Variants in CMTM4 observed in about 807,000 individuals in gnomAD.
CMTM4 encodes the protein CKLF-like MARVEL transmembrane domain-containing protein 4.
CMTM4 carries 8 observed loss-of-function variants against 19.0 expected under a neutral mutation model. That is an observed-to-expected ratio of 0.42 (90% confidence interval 0.25 to 0.76). CMTM4 has a LOEUF of 0.76. Among genes scored for constraint, CMTM4 ranks in the 30% least tolerant of loss-of-function variants. CMTM4 has a pLI of 0.27. For missense variants in CMTM4, 228 were observed against 290.2 expected (o/e 0.79, Z 1.56); for synonymous variants, 106 against 121.1 (o/e 0.88, Z 0.82).
At chr16:66,665,886 T>A (rs185753236) in intron 1 of CMTM4, among the ~76,000 whole-genome samples, 1 of 149,972 alleles carries the variant, frequency 6.7e-6, no homozygotes, top group East Asian at 2.0e-4. Flanking sequence ...CTGGCCAACA[T>A]GGCAAAAACC....
downstream of CMTM4, chr16:66,613,585 T>C: frequency 6.4e-6 from 1 of 155,400 alleles, no homozygotes; most frequent in Admixed American, 6.4e-5. Context: ...TTATATTTTT[T>C]TATGCAAAAG....
intron 2 of CMTM4, among the ~76,000 whole-genome samples, chr16:66,629,051 C>T (rs115111829): frequency 0.011 from 1,696 of 152,122 alleles, 32 homozygotes; most frequent in African/African-American, 0.036. Context: ...GCACTTATTA[C>T]TCACACAACT....
At chr16:66,673,261 G>C (rs886989561) in intron 1 of CMTM4, among the ~76,000 whole-genome samples, 2 of 144,062 alleles carry the variant, frequency 1.4e-5, no homozygotes, top group African/African-American at 5.2e-5. Context: ...AGGCTGGAGT[G>C]CAGTGGCACA....
chr16:66,660,521 C>T (rs1474010940), intron 1 of CMTM4, among the ~76,000 whole-genome samples: 3 of 151,942 alleles, frequency 2.0e-5, no homozygotes, highest in African/African-American at 7.3e-5. Flanking sequence ...TGTTACAAAG[C>T]AATCTGTACT....
chr16:66,667,252 G>A (rs1211905614), intron 1 of CMTM4, among the ~76,000 whole-genome samples: 2 of 152,022 alleles, frequency 1.3e-5, no homozygotes, highest in East Asian at 1.9e-4. Flanking sequence ...TGGAACCTGG[G>A]AGGCAGAAGC....
chr16:66,663,263 T>C (rs1341650632), intron 1 of CMTM4, among the ~76,000 whole-genome samples: 1 of 152,182 alleles, frequency 6.6e-6, no homozygotes, highest in Non-Finnish European at 1.5e-5. Context: ...TCTCAATTCA[T>C]ATGGAAAAAG....
chr16:66,669,993 A>T (rs1347679761), intron 1 of CMTM4, among the ~76,000 whole-genome samples: 1 of 152,228 alleles, frequency 6.6e-6, no homozygotes, highest in African/African-American at 2.4e-5. Flanking sequence ...CAATTTTGCC[A>T]CTTAATCATG....
chr16:66,646,362 A>G (rs1440753684), intron 1 of CMTM4, among the ~76,000 whole-genome samples: 1 of 152,200 alleles, frequency 6.6e-6, no homozygotes, highest in Admixed American at 6.5e-5. Context: ...ATATTCATAC[A>G]TATATGTATT....
chr16:66,662,766 C>G (rs972032682), intron 1 of CMTM4, among the ~76,000 whole-genome samples: 1 of 151,964 alleles, frequency 6.6e-6, no homozygotes, highest in African/African-American at 2.4e-5. Flanking sequence ...GACACAGACC[C>G]GAAAGAGGAG....
chr16:66,686,212 C>T (rs2017028643), intron 1 of CMTM4, among the ~76,000 whole-genome samples: 1 of 151,026 alleles, frequency 6.6e-6, no homozygotes, highest in African/African-American at 2.4e-5. Context: ...CGAGATCGCA[C>T]CACTGCACTC....
Position 66,619,285 on chromosome 16 carries a change from T to C in CMTM4, c.*2773A>G. On this transcript the variant is annotated 3_prime_UTR_variant, in exon 4 of 4. Coordinates refer to ENST00000394106, the MANE Select transcript of CMTM4 (RefSeq NM_181521.3). ...AATAAACTTTCTCTGAGGACATCAG[T>C]GTTTGCATCCATCTAAAACCACCAG... The C allele has an allele frequency of 1.0e-6, 1 of 985,440 alleles. No homozygotes were observed. Among genetic ancestry groups the C allele is most frequent in the Non-Finnish European group, 1.2e-6 (1 of 829,948 alleles). 61.0% of individuals were successfully genotyped at this position (985,440 alleles called of 1,614,324 possible).
chr16:66,602,502 A>C, the CMTM4 span, among the ~76,000 whole-genome samples: 1 of 152,222 alleles, frequency 6.6e-6, no homozygotes, highest in African/African-American at 2.4e-5. Flanking sequence ...AAAAGCCACA[A>C]GCTATCCCAA....
intron 1 of CMTM4, among the ~76,000 whole-genome samples, chr16:66,679,411 CCT>C (rs2016866661): frequency 6.6e-6 from 1 of 152,108 alleles, no homozygotes; most frequent in Non-Finnish European, 1.5e-5. Context: ...CCCCTTCTCC[CCT>C]GACTCTGAGA....
the CMTM4 span, among the ~76,000 whole-genome samples, chr16:66,600,425 A>T: frequency 2.0e-5 from 3 of 152,154 alleles, no homozygotes; most frequent in Non-Finnish European, 4.4e-5. Flanking sequence ...GATTACAGGC[A>T]TGAGCCACTG....
chr16:66,659,469 T>G (rs355956), intron 1 of CMTM4, among the ~76,000 whole-genome samples: 1 of 151,254 alleles, frequency 6.6e-6, no homozygotes, highest in African/African-American at 2.4e-5. Context: ...AGCAAACAAA[T>G]GACATAAAGG....
At chr16:66,649,677 A>G (rs926790389) in intron 1 of CMTM4, among the ~76,000 whole-genome samples, 5 of 152,056 alleles carry the variant, frequency 3.3e-5, no homozygotes, top group African/African-American at 1.2e-4. Context: ...GCTCAACCTC[A>G]GCCTTGCACT....
At chr16:66,669,766 G>A (rs767694282) in intron 1 of CMTM4, among the ~76,000 whole-genome samples, 9 of 152,048 alleles carry the variant, frequency 5.9e-5, no homozygotes, top group East Asian at 1.9e-4. Flanking sequence ...GGATGGTCTC[G>A]ATCTCCTGAC....
At chr16:66,600,649 A>C in the CMTM4 span, among the ~76,000 whole-genome samples, 1 of 134,138 alleles carries the variant, frequency 7.5e-6, no homozygotes. Context: ...TTTCTTTGAC[A>C]CTCCCTTCCT....
intron 1 of CMTM4, among the ~76,000 whole-genome samples, chr16:66,687,302 C>CTA (rs2017051919): frequency 1.3e-5 from 2 of 152,038 alleles, no homozygotes; most frequent in African/African-American, 4.8e-5. Flanking sequence ...AGCTTTAAGG[C>CTA]TATACTAAGG....
Sources: allele counts gnomAD v4.1 joint callset (sites outside exome capture counted in the v4.1 genomes callset), GRCh38; gene constraint gnomAD v4.1.1; transcripts MANE v1.5; gene names NCBI Gene and HGNC (gene_info 2026-07-23, HGNC 2026-07-21).